Variants in ERCC1 observed in about 807,000 individuals in gnomAD.
ERCC1 encodes the protein ERCC excision repair 1, endonuclease non-catalytic subunit.
ERCC1 carries 36 observed loss-of-function variants against 37.6 expected under a neutral mutation model. The ratio of observed to expected loss-of-function variants is 0.96; its 90% CI spans 0.73 to 1.26. The LOEUF (loss-of-function observed/expected upper bound fraction) is 1.26. ERCC1 is among the 50% of genes most tolerant of loss of function. The probability of loss-of-function intolerance (pLI) is 0.00; values close to 1 mark genes in which losing one functional copy is unlikely to be tolerated. For synonymous variants in ERCC1, 156 were observed against 162.1 expected (o/e 0.96, Z 0.28); for missense variants, 349 against 376.5 (o/e 0.93, Z 0.60).
chr19:45,422,129 A>T (rs532715974), intron 2 of ERCC1, among the ~76,000 whole-genome samples: 2 of 152,106 alleles, frequency 1.3e-5, no homozygotes, highest in East Asian at 3.9e-4. Context: ...GCCCCCTGGA[A>T]GTCTGTCCCC....
intron 9 of ERCC1, among the ~76,000 whole-genome samples, chr19:45,411,411 A>G (rs1973728490): frequency 1.3e-5 from 2 of 151,928 alleles, no homozygotes; most frequent in African/African-American, 4.8e-5. Flanking sequence ...ATTCCCATCA[A>G]AAGTATATGA....
At chr19:45,411,039 G>A (rs1453647024) in intron 9 of ERCC1, among the ~76,000 whole-genome samples, 1 of 152,120 alleles carries the variant, frequency 6.6e-6, no homozygotes, top group Non-Finnish European at 1.5e-5. Context: ...GGCCAGGCTG[G>A]TCTTGAACTT....
chr19:45,443,214 G>A (rs1975165385), intron 1 of ERCC1, among the ~76,000 whole-genome samples: 1 of 152,126 alleles, frequency 6.6e-6, no homozygotes, highest in Non-Finnish European at 1.5e-5. Context: ...AGGAGGTATG[G>A]CTGTAGTCAG....
In ERCC1 at chr19:45,409,252, A is replaced by G. The variant is rs1973537883; in HGVS notation, c.*423T>C. The G allele has an allele frequency of 6.2e-7, 1 of 1,612,212 alleles. No individual in the cohort carries two copies. The highest frequency in any genetic ancestry group is 8.5e-7 in the Non-Finnish European group (1 of 1,178,920). Reference sequence around the variant, plus strand: ...CCACCAAGAAGAAGAAGAAGAAGAAAGAGAGAGGTCACACAGTGACTGAGC... The same window carrying G: ...CCACCAAGAAGAAGAAGAAGAAGAAGGAGAGAGGTCACACAGTGACTGAGC... On this transcript the variant is annotated 3_prime_UTR_variant, in exon 10 of 10. Transcript: ENST00000300853.
chr19:45,415,659 C>T (rs994446871), intron 6 of ERCC1: 6 of 155,524 alleles, frequency 3.9e-5, no homozygotes, highest in Admixed American at 1.6e-4. Context: ...AAAAAAAAAA[C>T]AATTGTGGTT....
At chr19:45,419,372 C>T (rs533131223) in intron 4 of ERCC1, 175 bp from the exon 5 acceptor site, 75 of 618,218 alleles carry the variant, frequency 1.2e-4, no homozygotes, top group African/African-American at 1.1e-3. Context: ...GAAGATGCTC[C>T]GCAGGGATTG....
Position 45,423,769 on chromosome 19 carries a change from C to T in ERCC1, c.-8+12G>A, listed in dbSNP as rs1974588832. On this transcript the variant is annotated intron_variant, in intron 1 of 9. Coordinates refer to ENST00000300853, the MANE Select transcript of ERCC1 (RefSeq NM_001983.4). ...GGCGCCAATCTCCACCCGCAGTCTC[C>T]GCCTCCCGCACCTGTGGTCCGGGCC... 3 of 1,141,500 alleles carry T rather than the reference C, an allele frequency of 2.6e-6. No homozygotes were observed. Among genetic ancestry groups the T allele is most frequent in the African/African-American group, 1.6e-5 (1 of 63,582 alleles). The allele number at this position is 1,141,500 out of a possible 1,614,324, so 70.7% of individuals were successfully genotyped here.
intron 1 of ERCC1, among the ~76,000 whole-genome samples, chr19:45,437,224 G>A (rs1018162597): frequency 5.3e-5 from 8 of 152,094 alleles, no homozygotes; most frequent in African/African-American, 1.7e-4. Context: ...ACTTCGGCCT[G>A]GGCGACAGGA....
At chr19:45,410,057 GT>G (rs892580643) in intron 9 of ERCC1, 1 of 155,868 alleles carries the variant, frequency 6.4e-6, no homozygotes, top group Non-Finnish European at 1.4e-5. Context: ...CTAATTTTTT[GT>G]ATTTTTTTTT....
intron 1 of ERCC1, among the ~76,000 whole-genome samples, chr19:45,443,239 G>T (rs2123609427): frequency 6.6e-6 from 1 of 152,278 alleles, no homozygotes; most frequent in Admixed American, 6.5e-5. Flanking sequence ...ACTCAGTTTG[G>T]GATGGGGTCC....
rs770807072 is a variant in ERCC1 at position 45,420,397 on chromosome 19, T to C, written c.352A>G (p.Asn118Asp). 2.5e-6 allele frequency: 4 copies of C among 1,613,490 alleles called. No homozygotes were observed. Among genetic ancestry groups the C allele is most frequent in the African/African-American group, 2.7e-5 (2 of 74,890 alleles). Residue 118 changes from asparagine (N) to aspartate (D), a missense_variant, in exon 4 of 10, where the codon AAT becomes GAT. Coordinates refer to ENST00000300853, the MANE Select transcript of ERCC1 (RefSeq NM_001983.4). This position sits in a 1 kb window ranked among gnomAD's most constrained non-coding sequence, Gnocchi z 4.8. ...ACGTCGCCAAATTCCCAGGGCACAT[T>C]GCGCACGAACTTCAGTACGGGATTG... is the stretch of plus-strand genomic sequence containing the variant. ...RGNPVLKFVR[N>D]VPWEFGDVIP...
intron 1 of ERCC1, among the ~76,000 whole-genome samples, chr19:45,443,301 G>A (rs1975167688): frequency 1.3e-5 from 2 of 152,182 alleles, no homozygotes; most frequent in African/African-American, 4.8e-5. Context: ...ACCTAAGGCA[G>A]TAACTGGGAC....
At chr19:45,434,863 C>G (rs938298746) in intron 1 of ERCC1, among the ~76,000 whole-genome samples, 4 of 152,078 alleles carry the variant, frequency 2.6e-5, no homozygotes, top group African/African-American at 9.7e-5. Context: ...GCAACCTCTG[C>G]CTCCTGGGTT....
chr19:45,408,755 G>C lies in ERCC1; in HGVS notation c.*920C>G. On this transcript the variant is annotated 3_prime_UTR_variant, in exon 10 of 10. Transcript: ENST00000300853. ...GAAGCCCAAAGGGAAAGAAACCTTC[G>C]AGCCAGAAGACAAGACAGTGAAGCA... 3.1e-6 allele frequency: 5 copies of C among 1,613,802 alleles called. No homozygotes were observed. Among genetic ancestry groups the C allele is most frequent in the Non-Finnish European group, 3.4e-6 (4 of 1,179,970 alleles).
chr19:45,414,994 G>C, intron 6 of ERCC1, 34 bp from the exon 7 acceptor site: 1 of 1,493,484 alleles, frequency 6.7e-7, no homozygotes, highest in South Asian at 1.1e-5. Context: ...GCCGGGAGGT[G>C]AGGTATCAGA....
chr19:45,449,470 C>A (rs1217738892), intron 1 of ERCC1, among the ~76,000 whole-genome samples: 1 of 151,094 alleles, frequency 6.6e-6, no homozygotes, highest in Non-Finnish European at 1.5e-5. Context: ...CCAGCCTGGG[C>A]AACATAATGA....
chr19:45,443,866 C>T (rs921928384), intron 1 of ERCC1, among the ~76,000 whole-genome samples: 5 of 151,782 alleles, frequency 3.3e-5, no homozygotes, highest in African/African-American at 1.2e-4. Context: ...TTTCTCCGAA[C>T]CGGCAAACCT....
chr19:45,417,321 G>C (rs1029087296), intron 5 of ERCC1, among the ~76,000 whole-genome samples: 2 of 152,144 alleles, frequency 1.3e-5, no homozygotes, highest in Non-Finnish European at 2.9e-5. Flanking sequence ...CTGATGATCT[G>C]GAGTGGCCAG....
intron 1 of ERCC1, among the ~76,000 whole-genome samples, chr19:45,429,951 A>G (rs768745061): frequency 1.4e-4 from 21 of 152,166 alleles, no homozygotes; most frequent in Middle Eastern, 3.4e-3. Flanking sequence ...CACCCAGCTA[A>G]TTTTTTATTT....
Sources: allele counts gnomAD v4.1 joint callset (sites outside exome capture counted in the v4.1 genomes callset), GRCh38; gene constraint gnomAD v4.1.1; non-coding constraint Gnocchi (gnomAD v3.1); transcripts MANE v1.5; gene names NCBI Gene and HGNC (gene_info 2026-07-23, HGNC 2026-07-21).